The following EPHB1 variants were observed in gnomAD, a reference collection of about 807,000 sequenced individuals.
The protein encoded by EPHB1 is ephrin type-B receptor 1.
EPHB1 carries 30 observed loss-of-function variants against 94.4 expected under a neutral mutation model. The ratio of observed to expected loss-of-function variants is 0.32; its 90% confidence interval spans 0.24 to 0.43. The LOEUF (loss-of-function observed/expected upper bound fraction) is 0.43. Ranked by LOEUF, EPHB1 falls within the 20% of genes least tolerant of loss-of-function variation. EPHB1 has a pLI of 1.00. For missense variants in EPHB1, 1,055 were observed against 1,308.3 expected (o/e 0.81, Z 2.99); for synonymous variants, 522 against 489.1 (o/e 1.07, Z -0.89).
At chr3:134,855,673 A>C (rs536565254) in intron 1 of EPHB1, among the ~76,000 whole-genome samples, 1 of 147,902 alleles carries the variant, frequency 6.8e-6, no homozygotes, top group South Asian at 2.2e-4. Flanking sequence ...ACATTTTTTC[A>C]GTATCTGTAG....
At chr3:135,246,238 C>A (rs1174712466) in intron 13 of EPHB1, among the ~76,000 whole-genome samples, 1 of 152,114 alleles carries the variant, frequency 6.6e-6, no homozygotes, top group Non-Finnish European at 1.5e-5. Context: ...CCCTACCTAA[C>A]CTGCCCTTAT....
In EPHB1 at chr3:134,871,523, T is replaced by C. The variant is rs73214899; in HGVS notation, c.59-54293T>C. 9.2e-3 allele frequency among the ~76,000 whole-genome samples: 1,401 copies of C among 152,292 alleles called. 18 individuals carry two copies. The highest frequency in any genetic ancestry group is 0.015 in the Non-Finnish European group (1,015 of 68,018). On this transcript the variant is annotated intron_variant, in intron 1 of 15. Coordinates refer to ENST00000398015, the MANE Select transcript of EPHB1 (RefSeq NM_004441.5). The stretch of plus-strand genomic sequence containing the variant: ...AGTAGATGTGAGGTTGTTGTTCTGC[T>C]TCTTCACCATTATAATAATAATGAC...
At chr3:135,086,542 C>A (rs1157708381) in intron 3 of EPHB1, among the ~76,000 whole-genome samples, 1 of 151,670 alleles carries the variant, frequency 6.6e-6, no homozygotes, top group African/African-American at 2.4e-5. Flanking sequence ...TGACTCTTTC[C>A]ACCACCATGC....
chr3:134,873,402 A>G (rs1015995561), intron 1 of EPHB1, among the ~76,000 whole-genome samples: 1 of 152,230 alleles, frequency 6.6e-6, no homozygotes, highest in African/African-American at 2.4e-5. Context: ...TGACAAATTT[A>G]TATGACCTAG....
intron 12 of EPHB1, among the ~76,000 whole-genome samples, chr3:135,209,209 C>A (rs1318874963): frequency 6.6e-6 from 1 of 152,084 alleles, no homozygotes; most frequent in African/African-American, 2.4e-5. Flanking sequence ...TATTTGGCAA[C>A]CATCAGATTA....
intron 3 of EPHB1, among the ~76,000 whole-genome samples, chr3:135,031,786 C>G (rs1936482598): frequency 6.6e-6 from 1 of 152,144 alleles, no homozygotes; most frequent in African/African-American, 2.4e-5. Flanking sequence ...CAAAAGTATG[C>G]TTGAAAGGTA....
intron 4 of EPHB1, among the ~76,000 whole-genome samples, chr3:135,120,237 A>C (rs899640978): frequency 6.6e-6 from 1 of 152,248 alleles, no homozygotes; most frequent in African/African-American, 2.4e-5. Context: ...TCTTTATTCC[A>C]TCCAGGCATG....
chr3:135,199,693 A>G (rs910885765), intron 11 of EPHB1, among the ~76,000 whole-genome samples: 12 of 152,220 alleles, frequency 7.9e-5, no homozygotes, highest in Non-Finnish European at 1.6e-4. Flanking sequence ...TCAATTGATC[A>G]AGGAGCATAA....
At chr3:134,852,420 C>G (rs2037007762) in intron 1 of EPHB1, 1 of 152,104 alleles carries the variant, frequency 6.6e-6, no homozygotes, top group South Asian at 2.1e-4. Context: ...GCACTTATTC[C>G]TTCCTCTGCC....
intron 3 of EPHB1, among the ~76,000 whole-genome samples, chr3:135,052,627 C>T (rs112275904): frequency 1.4e-4 from 21 of 150,888 alleles, no homozygotes; most frequent in Non-Finnish European, 2.7e-4. Flanking sequence ...TTTGGGAGGC[C>T]GAGGCGGGCG....
chr3:135,132,972 AG>A lies in EPHB1; in HGVS notation c.1222del (p.Ala408ProfsTer40). On this transcript the variant is annotated frameshift_variant, in exon 5 of 16. Transcript: ENST00000398015. LOFTEE classifies it high-confidence loss of function. ...CACACCCCCTACACCTTTGACATCC[AG>A]GCCATCAATGGAGTCTCCAGCAAGA... The part of the protein sequence containing the change: ...WAHTPYTFDI[Q>X]AINGVSSKSP... 6.2e-7 allele frequency: 1 copy of A among 1,613,810 alleles called. No homozygotes were observed.
At chr3:134,885,277 G>T (rs933020124) in intron 1 of EPHB1, among the ~76,000 whole-genome samples, 2 of 152,152 alleles carry the variant, frequency 1.3e-5, no homozygotes, top group Non-Finnish European at 2.9e-5. Flanking sequence ...AAAGATAAAA[G>T]GTTGAAGAAT....
At chr3:134,829,668 C>A (rs988995121) in intron 1 of EPHB1, among the ~76,000 whole-genome samples, 3 of 152,136 alleles carry the variant, frequency 2.0e-5, no homozygotes, top group African/African-American at 7.2e-5. Context: ...ATGTTAAAAT[C>A]TTAATCCCCA....
chr3:135,053,042 T>C (rs1289049103), intron 3 of EPHB1, among the ~76,000 whole-genome samples: 1 of 134,862 alleles, frequency 7.4e-6, no homozygotes, highest in African/African-American at 2.9e-5. Flanking sequence ...TATATATATA[T>C]ATATATATAT....
At chr3:135,066,058 G>A (rs1937576522) in intron 3 of EPHB1, among the ~76,000 whole-genome samples, 1 of 152,242 alleles carries the variant, frequency 6.6e-6, no homozygotes, top group African/African-American at 2.4e-5. Flanking sequence ...GGTTTCTGCT[G>A]AGAAATCTGC....
At chr3:135,103,970 C>T (rs376034906) in intron 3 of EPHB1, among the ~76,000 whole-genome samples, 1 of 152,302 alleles carries the variant, frequency 6.6e-6, no homozygotes, top group Admixed American at 6.5e-5. Context: ...ATGCTGTTAA[C>T]TTATTAAATG....
intron 3 of EPHB1, among the ~76,000 whole-genome samples, chr3:135,008,962 C>A (rs1230048450): frequency 1.3e-5 from 2 of 152,216 alleles, no homozygotes; most frequent in African/African-American, 4.8e-5. Context: ...CGGCCAGGCC[C>A]TTCACTGGGC....
chr3:135,193,085 G>A (rs1285562390), intron 11 of EPHB1, among the ~76,000 whole-genome samples: 2 of 152,162 alleles, frequency 1.3e-5, no homozygotes, highest in African/African-American at 4.8e-5. Context: ...ACAAAGAATG[G>A]CCATTGGCAT....
intron 3 of EPHB1, among the ~76,000 whole-genome samples, chr3:135,090,953 T>C (rs1160880548): frequency 3.3e-5 from 5 of 152,234 alleles, no homozygotes; most frequent in Admixed American, 6.5e-5. Flanking sequence ...CCATTTCTAC[T>C]CCTGGGTTTC....
Sources: gnomAD v4.1 joint callset for allele counts (sites outside exome capture counted in the v4.1 genomes callset) on GRCh38, gnomAD v4.1.1 for gene constraint, MANE v1.5 for transcripts, NCBI Gene and HGNC (gene_info 2026-07-23, HGNC 2026-07-21) for gene names.